The following AREL1 variants were observed in gnomAD, a reference collection of about 807,000 sequenced individuals.
The protein encoded by AREL1 is apoptosis resistant E3 ubiquitin protein ligase 1, also known as apoptosis-resistant E3 ubiquitin protein ligase 1.
AREL1 carries 62 observed loss-of-function variants against 99.0 expected under a neutral mutation model. The ratio of observed to expected loss-of-function variants is 0.63; its 90% CI spans 0.51 to 0.77. The LOEUF (loss-of-function observed/expected upper bound fraction) is 0.77. AREL1 is among the 30% of genes least tolerant of loss of function. AREL1 has a pLI of 0.00. For synonymous variants in AREL1, 380 were observed against 376.5 expected (o/e 1.01, Z -0.11); for missense variants, 879 against 1,027.6 (o/e 0.86, Z 1.98).
chr14:74,704,099 A>C (rs544514314), intron 1 of AREL1, among the ~76,000 whole-genome samples: 1 of 152,116 alleles, frequency 6.6e-6, no homozygotes, highest in African/African-American at 2.4e-5. Flanking sequence ...TATTTTTTTC[A>C]TGTGTTTATT....
At chr14:74,712,073 A>AAAAAAAAAAAAAAAAAAAAAAAAAAC (rs2090318493) in intron 1 of AREL1, 1 of 111,098 alleles carries the variant, frequency 9.0e-6, no homozygotes, top group Non-Finnish European at 2.1e-5. Flanking sequence ...AAAAAGAAAA[A>AAAAAAAAAAAAAAAAAAAAAAAAAAC]AAAAGAAAGA....
intron 1 of AREL1, among the ~76,000 whole-genome samples, chr14:74,700,391 T>A (rs1478764498): frequency 6.6e-6 from 1 of 152,226 alleles, no homozygotes; most frequent in East Asian, 1.9e-4. Context: ...TCTCTACTCT[T>A]AACTGGCAAT....
At position 74,669,984 on chromosome 14, in the gene AREL1, A is replaced by T; in HGVS notation, c.1751T>A (p.Phe584Tyr). The T allele has an allele frequency of 6.2e-7, 1 of 1,613,644 alleles. No homozygotes were observed. The highest frequency in any genetic ancestry group is 2.2e-5 in the East Asian group (1 of 44,886). ...ACGCAGTCCTATGATTTGGGCCAGGAAAGAGCGGGTGAAGCGAGCTCGGAC... is the reference window on the plus strand; with the variant it reads ...ACGCAGTCCTATGATTTGGGCCAGGTAAGAGCGGGTGAAGCGAGCTCGGAC... ...QLVRARFTRSFLAQIIGLRMH... is the reference protein window; with the variant it reads ...QLVRARFTRSYLAQIIGLRMH... The change falls in exon 14 of 20, where the codon TTC becomes TAC. Residue 584 changes from phenylalanine to tyrosine, a missense_variant. Transcript: ENST00000356357.
chr14:74,711,438 G>C (rs534605456), intron 1 of AREL1, among the ~76,000 whole-genome samples: 1 of 151,572 alleles, frequency 6.6e-6, no homozygotes, highest in Non-Finnish European at 1.5e-5. Context: ...AGCTACTCGG[G>C]AGGCTGAGGC....
chr14:74,702,788 C>G (rs1198213829), intron 1 of AREL1, among the ~76,000 whole-genome samples: 3 of 152,160 alleles, frequency 2.0e-5, no homozygotes, highest in Admixed American at 6.5e-5. Flanking sequence ...CAGATCATCT[C>G]TCTCAAATTC....
chr14:74,689,338 T>G (rs1007735815), intron 2 of AREL1, among the ~76,000 whole-genome samples: 4 of 152,134 alleles, frequency 2.6e-5, no homozygotes, highest in Non-Finnish European at 5.9e-5. Context: ...CTATGATCTA[T>G]CCAAATTAGA....
intron 3 of AREL1, among the ~76,000 whole-genome samples, chr14:74,685,316 C>T (rs1266728440): frequency 6.6e-6 from 1 of 152,198 alleles, no homozygotes; most frequent in Non-Finnish European, 1.5e-5. Context: ...AACTTTTCTC[C>T]TCCTTGACCG....
At position 74,664,115 on chromosome 14, in the gene AREL1, CA is replaced by C. The variant is rs748302597; in HGVS notation, c.2194-42del. On this transcript the variant is annotated intron_variant, in intron 18 of 19. Transcript: ENST00000356357. Reference sequence around the variant, plus strand: ...CAAGGCTGGGATCACACACAGTAAACAAGCTAGGATTAGATCCCTGGGGAAG... The same window carrying C: ...CAAGGCTGGGATCACACACAGTAAACAGCTAGGATTAGATCCCTGGGGAAG... The C allele has an allele frequency of 2.0e-5, 32 of 1,590,466 alleles. No individual in the cohort carries two copies. The East Asian group carries it at 6.9e-4, about 34-fold the overall frequency.
intron 9 of AREL1, among the ~76,000 whole-genome samples, 166 bp from the exon 10 acceptor site, chr14:74,673,384 C>T (rs1373760524): frequency 6.6e-6 from 1 of 152,198 alleles, no homozygotes; most frequent in Non-Finnish European, 1.5e-5. Flanking sequence ...CAGTGATTTA[C>T]ATTTCAACAT....
chr14:74,712,819 A>G, intron 1 of AREL1, 114 bp downstream of exon 1: 1 of 396,618 alleles, frequency 2.5e-6, no homozygotes, highest in Non-Finnish European at 4.8e-6. Flanking sequence ...GTTCCCCCAA[A>G]CTACTGGGCA....
At chr14:74,698,492 T>C (rs984839245) in intron 1 of AREL1, among the ~76,000 whole-genome samples, 19 of 152,230 alleles carry the variant, frequency 1.2e-4, no homozygotes, top group Admixed American at 4.6e-4. Flanking sequence ...TCTTCATTCA[T>C]TTCACATTTC....
At chr14:74,672,041 G>A (rs767900112) in intron 11 of AREL1, 1 of 453,814 alleles carries the variant, frequency 2.2e-6, no homozygotes, top group South Asian at 1.6e-5. Flanking sequence ...TAAGAACTAT[G>A]CCAGTGTCTG....
At chr14:74,712,791 A>C (rs2090338505) in intron 1 of AREL1, 142 bp downstream of exon 1, 1 of 364,988 alleles carries the variant, frequency 2.7e-6, no homozygotes, top group South Asian at 2.2e-5. Flanking sequence ...CCCCAACGCT[A>C]CAGGGTGAGG....
At chr14:74,712,068 G>GAAAAAAAAAAAAA (rs1365570759) in intron 1 of AREL1, 2 of 61,728 alleles carry the variant, frequency 3.2e-5, no homozygotes, top group African/African-American at 1.1e-4. Context: ...AAAAAAAAAA[G>GAAAAAAAAAAAAA]AAAAAAAAAG....
At chr14:74,666,918 C>T (rs1163569945) in intron 17 of AREL1, among the ~76,000 whole-genome samples, 1 of 151,986 alleles carries the variant, frequency 6.6e-6, no homozygotes, top group East Asian at 1.9e-4. Context: ...CGGGGTTTCA[C>T]CATGTTGGCC....
chr14:74,672,014 C>T (rs1210146100), intron 11 of AREL1: 2 of 455,260 alleles, frequency 4.4e-6, no homozygotes, highest in East Asian at 7.0e-5. Flanking sequence ...ACCAAGCCTT[C>T]TCATTCCTGG....
Position 74,684,524 on chromosome 14 carries a change from C to CG in AREL1, c.172dup (p.Arg58ProfsTer14). The stretch of plus-strand genomic sequence containing the variant: ...CCAATCCCAGGAGACTTTGCAAGAC[C>CG]GGGGATCCAGGTAATTTCCCCGCAC... On this transcript the variant is annotated frameshift_variant, in exon 4 of 20. Transcript: ENST00000356357. LOFTEE classifies it high-confidence loss of function. 1 of 1,614,078 alleles carries CG rather than the reference C, an allele frequency of 6.2e-7. No homozygotes were observed. The highest frequency in any genetic ancestry group is 1.3e-5 in the African/African-American group (1 of 75,006).
At chr14:74,699,915 C>A (rs2090051575) in intron 1 of AREL1, among the ~76,000 whole-genome samples, 1 of 152,188 alleles carries the variant, frequency 6.6e-6, no homozygotes, top group Admixed American at 6.5e-5. Flanking sequence ...AAACTTTACA[C>A]CCAGGTGATA....
intron 9 of AREL1, among the ~76,000 whole-genome samples, chr14:74,673,566 TCC>T: frequency 6.6e-6 from 1 of 152,190 alleles, no homozygotes; most frequent in Non-Finnish European, 1.5e-5. Flanking sequence ...AAATGACTAC[TCC>T]AAACTGATCA....
Sources: allele counts gnomAD v4.1 joint callset (sites outside exome capture counted in the v4.1 genomes callset), GRCh38; gene constraint gnomAD v4.1.1; transcripts MANE v1.5; gene names NCBI Gene and HGNC (gene_info 2026-07-23, HGNC 2026-07-21).